The following FHIT variants were observed in gnomAD, a reference collection of about 807,000 sequenced individuals.
FHIT encodes fragile histidine triad diadenosine triphosphatase.
In FHIT, 19 loss-of-function variants were observed where a neutral mutation model predicts 17.9. That is an observed-to-expected ratio of 1.06 (90% CI 0.74 to 1.56). FHIT has a LOEUF of 1.56. Ranked by LOEUF, FHIT falls within the 40% of genes most tolerant of loss-of-function variation. The pLI is 0.00. For missense variants in FHIT, 248 were observed against 189.2 expected, an observed-to-expected ratio of 1.31 and a Z score of -1.82; for synonymous variants, 81 against 69.7, an observed-to-expected ratio of 1.16 and a Z score of -0.81.
At chr3:61,204,193 T>C (rs1002682550) in intron 1 of FHIT, among the ~76,000 whole-genome samples, 12 of 151,860 alleles carry the variant, frequency 7.9e-5, no homozygotes, top group African/African-American at 2.7e-4. Flanking sequence ...CAAAACAAAA[T>C]AAAGAAAGGG....
At chr3:59,851,848 A>G (rs1041957845) in intron 8 of FHIT, among the ~76,000 whole-genome samples, 5 of 152,216 alleles carry the variant, frequency 3.3e-5, no homozygotes, top group African/African-American at 9.6e-5. Context: ...CAACATGAAA[A>G]TCAGACACGA....
At chr3:60,614,809 G>GTTTTTTTTTT (rs147892145) in intron 4 of FHIT, among the ~76,000 whole-genome samples, 20 of 78,224 alleles carry the variant, frequency 2.6e-4, no homozygotes, top group Non-Finnish European at 3.3e-4. Context: ...TGCAAAAGTT[G>GTTTTTTTTTT]TTTTTTTTTT....
chr3:60,775,776 A>T (rs974532360), intron 4 of FHIT, among the ~76,000 whole-genome samples: 16 of 151,760 alleles, frequency 1.1e-4, no homozygotes, highest in Non-Finnish European at 2.9e-5. Flanking sequence ...ACTGCTCCTC[A>T]CTCCATGCCG....
intron 5 of FHIT, among the ~76,000 whole-genome samples, chr3:60,465,697 T>C (rs2032748960): frequency 6.6e-6 from 1 of 152,146 alleles, no homozygotes; most frequent in Non-Finnish European, 1.5e-5. Flanking sequence ...ATGAGTTTGC[T>C]GTAGATGTAT....
chr3:60,990,460 T>C (rs1247914470), intron 3 of FHIT, among the ~76,000 whole-genome samples: 2 of 152,242 alleles, frequency 1.3e-5, no homozygotes, highest in East Asian at 1.9e-4. Flanking sequence ...AGCATCTATA[T>C]ATGCTTTCCT....
intron 3 of FHIT, among the ~76,000 whole-genome samples, chr3:60,871,706 T>C (rs1322268079): frequency 6.6e-6 from 1 of 152,152 alleles, no homozygotes; most frequent in Non-Finnish European, 1.5e-5. Flanking sequence ...CAATCATGGC[T>C]CAATGTAGCC....
At chr3:60,300,260 CA>C (rs950488177) in intron 5 of FHIT, among the ~76,000 whole-genome samples, 21 of 151,914 alleles carry the variant, frequency 1.4e-4, no homozygotes, top group Admixed American at 2.6e-4. Context: ...TTTACTTTTT[CA>C]AAAAAACTAA....
intron 4 of FHIT, among the ~76,000 whole-genome samples, chr3:60,801,787 A>G (rs1385667879): frequency 6.6e-6 from 1 of 152,200 alleles, no homozygotes; most frequent in African/African-American, 2.4e-5. Context: ...GTTGTCTCTC[A>G]TGAAAGCCTG....
chr3:60,962,013 C>G (rs1709478857), intron 3 of FHIT, among the ~76,000 whole-genome samples: 1 of 152,148 alleles, frequency 6.6e-6, no homozygotes, highest in African/African-American at 2.4e-5. Context: ...TATAAATTGC[C>G]TTGGGCAGTA....
At chr3:60,130,813 G>GTGTGTGTGTATATACACACATATA (rs1699527705) in intron 5 of FHIT, among the ~76,000 whole-genome samples, 1 of 149,396 alleles carries the variant, frequency 6.7e-6, no homozygotes, top group Non-Finnish European at 1.5e-5. Flanking sequence ...ATATATGTGT[G>GTGTGTGTGTATATACACACATATA]TATGTGTGTA....
At chr3:60,509,534 G>A (rs1207125896) in intron 5 of FHIT, among the ~76,000 whole-genome samples, 1 of 152,118 alleles carries the variant, frequency 6.6e-6, no homozygotes, top group Non-Finnish European at 1.5e-5. Flanking sequence ...ATCTCAAATG[G>A]AATTTGTAAA....
chr3:60,046,470 TTTGCGCAGCACC>T (rs1316964290), intron 5 of FHIT, among the ~76,000 whole-genome samples: 1 of 152,198 alleles, frequency 6.6e-6, no homozygotes, highest in East Asian at 1.9e-4. Flanking sequence ...ACAGCAGAAG[TTTGCGCAGCACC>T]TGTCTAAAGT....
intron 8 of FHIT, among the ~76,000 whole-genome samples, chr3:59,856,184 T>C (rs185172162): frequency 1.3e-5 from 2 of 152,344 alleles, no homozygotes; most frequent in East Asian, 3.9e-4. Flanking sequence ...TGTCAACAAC[T>C]ATCTGTCAAA....
intron 5 of FHIT, among the ~76,000 whole-genome samples, chr3:60,089,478 T>C (rs1485190985): frequency 6.6e-6 from 1 of 152,132 alleles, no homozygotes; most frequent in Non-Finnish European, 1.5e-5. Context: ...GTATGATGGA[T>C]GGATGGTTGA....
chr3:61,010,930 C>G (rs988977869), intron 3 of FHIT, among the ~76,000 whole-genome samples: 10 of 152,092 alleles, frequency 6.6e-5, no homozygotes, highest in Non-Finnish European at 1.2e-4. Context: ...GGAGTAATGG[C>G]ATAATGATAT....
chr3:60,152,037 G>C (rs1380014606), intron 5 of FHIT, among the ~76,000 whole-genome samples: 2 of 152,024 alleles, frequency 1.3e-5, no homozygotes, highest in African/African-American at 4.8e-5. Flanking sequence ...ATAAATTTCT[G>C]GTGAATAAAT....
chr3:61,108,136 C>A (rs749700888), intron 2 of FHIT, among the ~76,000 whole-genome samples: 3 of 152,052 alleles, frequency 2.0e-5, no homozygotes, highest in African/African-American at 4.8e-5. Flanking sequence ...GCATTTTTTT[C>A]ATATACTTGG....
chr3:60,035,865 G>C (rs1701194659), intron 5 of FHIT, among the ~76,000 whole-genome samples: 1 of 152,160 alleles, frequency 6.6e-6, no homozygotes, highest in Admixed American at 6.5e-5. Flanking sequence ...GTTAAGCTAG[G>C]TGTTGCTATG....
intron 4 of FHIT, among the ~76,000 whole-genome samples, chr3:60,625,829 C>T (rs1233680655): frequency 6.6e-6 from 1 of 152,106 alleles, no homozygotes; most frequent in Non-Finnish European, 1.5e-5. Flanking sequence ...AATCCAAGGC[C>T]ATTTGTTATG....
Sources: allele counts gnomAD v4.1 joint callset (sites outside exome capture counted in the v4.1 genomes callset), GRCh38; gene constraint gnomAD v4.1.1; transcripts MANE v1.5; gene names NCBI Gene and HGNC (gene_info 2026-07-23, HGNC 2026-07-21).